The following IQSEC1 variants were observed in gnomAD, a reference collection of about 807,000 sequenced individuals.
IQSEC1 encodes IQ motif and Sec7 domain ArfGEF 1.
Under a neutral mutation model 91.0 loss-of-function variants are expected in IQSEC1, and 31 were observed. The ratio of observed to expected loss-of-function variants is 0.34; its 90% confidence interval spans 0.26 to 0.46. The LOEUF is 0.46. IQSEC1 is among the 20% of genes least tolerant of loss of function. The probability of loss-of-function intolerance (pLI) is 1.00; values close to 1 mark genes in which losing one functional copy is unlikely to be tolerated. For synonymous variants in IQSEC1, 699 were observed against 662.6 expected (o/e 1.05, Z -0.84); for missense variants, 1,388 against 1,575.6 (o/e 0.88, Z 2.02).
At chr3:13,145,790 T>A (rs1212661636) in intron 2 of IQSEC1, among the ~76,000 whole-genome samples, 1 of 35,054 alleles carries the variant, frequency 2.9e-5, no homozygotes, top group Non-Finnish European at 5.0e-5. Flanking sequence ...GGAGTGAACC[T>A]GGGCGCCCGG....
intron 1 of IQSEC1, among the ~76,000 whole-genome samples, chr3:12,965,136 T>A (rs981100752): frequency 2.6e-5 from 4 of 152,182 alleles, no homozygotes; most frequent in South Asian, 4.1e-4. Flanking sequence ...GTTCTCTTAG[T>A]GTGTGTACCC....
chr3:13,036,581 C>T (rs573600359), intron 1 of IQSEC1, among the ~76,000 whole-genome samples: 7 of 152,334 alleles, frequency 4.6e-5, no homozygotes, highest in Admixed American at 4.6e-4. Context: ...AGAGCCACTC[C>T]TCCCTGGACT....
At chr3:12,911,589 G>T in intron 10 of IQSEC1, 40 bp downstream of exon 10, 1 of 1,426,950 alleles carries the variant, frequency 7.0e-7, no homozygotes, top group Non-Finnish European at 9.9e-7. Context: ...CGTAAGCTGG[G>T]ACATGCGCTC....
chr3:12,982,758 T>G (rs964240786), intron 1 of IQSEC1, among the ~76,000 whole-genome samples: 1 of 152,212 alleles, frequency 6.6e-6, no homozygotes, highest in Non-Finnish European at 1.5e-5. Context: ...CCCCTAGTAC[T>G]GACAGGAAAG....
chr3:13,161,378 C>G (rs11709113), intron 2 of IQSEC1, among the ~76,000 whole-genome samples: 6,616 of 152,270 alleles, frequency 0.043, 192 homozygotes, highest in Non-Finnish European at 0.062. Context: ...TAGAAGCGCT[C>G]AGAGAGAACT....
At chr3:12,916,334 G>GC (rs1247100403) in intron 6 of IQSEC1, among the ~76,000 whole-genome samples, 2 of 152,198 alleles carry the variant, frequency 1.3e-5, no homozygotes, top group Non-Finnish European at 2.9e-5. Context: ...GCTGTTGCTG[G>GC]CCCACATCAC....
In IQSEC1 at chr3:12,909,169, G is replaced by T; in HGVS notation, c.2578+104C>A. ...TAGGGAAGGCCAGAAAAGACTGGGGGACATCTTGTCTCTGTGAGCTCAGAA... is the reference window on the plus strand; with the variant it reads ...TAGGGAAGGCCAGAAAAGACTGGGGTACATCTTGTCTCTGTGAGCTCAGAA... On this transcript the variant is annotated intron_variant, in intron 11 of 13. Transcript: ENST00000613206. This position sits in a 1 kb window ranked among gnomAD's most constrained non-coding sequence, Gnocchi z 4.9. 1 of 1,212,266 alleles carries T rather than the reference G, an allele frequency of 8.2e-7. No homozygotes were observed. Among genetic ancestry groups the T allele is most frequent in the Non-Finnish European group, 1.2e-6 (1 of 845,584 alleles). The allele number at this position is 1,212,266 out of a possible 1,614,324, so 75.1% of individuals were successfully genotyped here.
chr3:12,901,382 G>A lies in IQSEC1; in HGVS notation c.2946C>T (p.Pro982=), dbSNP rs1694284902. The part of the protein sequence containing the change: ...LFGSKRGKPP[P]QAHLPSAPAL... ...CTGGGGCTGAGGGCAGGTGGGCCTGGGGAGGGGGCTTCCCTCTCTTGCTCC... is the reference window on the plus strand; with the variant it reads ...CTGGGGCTGAGGGCAGGTGGGCCTGAGGAGGGGGCTTCCCTCTCTTGCTCC... The change falls in exon 14 of 14, where the codon CCC becomes CCT. Residue 982 remains proline, a synonymous_variant. Transcript: ENST00000613206. The A allele has an allele frequency of 6.5e-7, 1 of 1,542,610 alleles. No homozygotes were observed. The highest frequency in any genetic ancestry group is 2.0e-5 in the Admixed American group (1 of 50,932).
chr3:13,084,857 G>C (rs1160166005), intron 2 of IQSEC1, among the ~76,000 whole-genome samples: 1 of 152,078 alleles, frequency 6.6e-6, no homozygotes, highest in African/African-American at 2.4e-5. Context: ...GCTCAGCTCT[G>C]GTTCCTGCCC....
chr3:12,897,445 C>A lies in IQSEC1; in HGVS notation c.*3538G>T, dbSNP rs1055997782. The A allele has an allele frequency of 4.6e-5, 7 of 152,156 alleles. No homozygotes were observed. Among genetic ancestry groups the A allele is most frequent in the Admixed American group, 4.6e-4 (7 of 15,278 alleles). 9.4% of individuals were successfully genotyped at this position (152,156 alleles called of 1,614,324 possible). A position where few individuals can be genotyped will look rare whatever the true frequency, so the allele number is the denominator to read the frequency against. On this transcript the variant is annotated 3_prime_UTR_variant, in exon 14 of 14. Coordinates refer to ENST00000613206, the MANE Select transcript of IQSEC1 (RefSeq NM_001134382.3). ...CTGATTCTAATTGCTTAAAACAACT[C>A]GGAGGCAAAAGATATTTTCCAAGAG...
In IQSEC1 at chr3:12,935,847, T is replaced by C; in HGVS notation, c.1169A>G (p.Gln390Arg). 6.2e-7 allele frequency: 1 copy of C among 1,608,348 alleles called. No individual in the cohort carries two copies. Among genetic ancestry groups the C allele is most frequent in the Non-Finnish European group, 8.5e-7 (1 of 1,179,882 alleles). ...DRSERGSLKR[Q>R]SAYERSLGGQ... ...GCCAAGGCTGCGCTCGTAAGCACTC[T>C]GCCTCTTGAGTGACCCCCGCTCCGA... Residue 390 changes from glutamine to arginine, a missense_variant, in exon 3 of 14, where the codon CAG (glutamine) becomes CGG (arginine). Gln to Arg is a conservative substitution (Grantham distance 43). This residue lies in a region of IQSEC1 where 1,059 missense variants were observed against 1,317.8 expected (regional missense o/e 0.80). Transcript: ENST00000613206. The surrounding 1 kb of genome is among the most constrained non-coding windows in gnomAD (Gnocchi z 8.0).
rs1337585203 is a variant in IQSEC1, at chr3:13,101,435, G to T, written c.303-53913C>A. Among the ~76,000 whole-genome samples, 3 of 126,840 alleles carry T rather than the reference G, an allele frequency of 2.4e-5. No individual in the cohort carries two copies. In the East Asian group the frequency reaches 6.5e-4, roughly 27 times the overall value. The allele number at this position is 126,840 out of a possible 152,430, so 83.2% of individuals were successfully genotyped here. ...TTCCATCTCCAAAAAAAAAAAAAAT[G>T]CACCCTTCTACTGTTGAGAGGGCAG... On this transcript the variant is annotated intron_variant, in intron 2 of 15. Transcript: ENST00000648114.
intron 1 of IQSEC1, among the ~76,000 whole-genome samples, chr3:12,971,219 C>G (rs1700876096): frequency 1.3e-5 from 2 of 152,188 alleles, no homozygotes; most frequent in Non-Finnish European, 2.9e-5. Context: ...GGCAAACCCC[C>G]TGCGTGTTCA....
At chr3:12,912,032 G>A (rs1380374001) in intron 9 of IQSEC1, among the ~76,000 whole-genome samples, 2 of 152,250 alleles carry the variant, frequency 1.3e-5, no homozygotes, top group Non-Finnish European at 2.9e-5. Context: ...CCGGGGCTTG[G>A]CACCTTGAGG....
At chr3:12,950,210 A>G (rs1699449793) in intron 1 of IQSEC1, among the ~76,000 whole-genome samples, 1 of 152,238 alleles carries the variant, frequency 6.6e-6, no homozygotes, top group Non-Finnish European at 1.5e-5. Context: ...AGGACTGCAG[A>G]CCACAGAGCA....
chr3:13,040,672 C>T (rs1037313467), intron 1 of IQSEC1, among the ~76,000 whole-genome samples: 8 of 152,250 alleles, frequency 5.3e-5, no homozygotes, highest in African/African-American at 1.9e-4. Flanking sequence ...CCCTTCCCAG[C>T]TCCATGGCCT....
chr3:12,901,749 C>A lies in IQSEC1; in HGVS notation c.2806-227G>T, dbSNP rs567475134. ...CCTTGACCAAAGTGGGGAGTGAGGG[C>A]AGGGGAGGGGCCCATCTCTCTGACC... On this transcript the variant is annotated intron_variant, in intron 13 of 13. Transcript: ENST00000613206. Among the ~76,000 whole-genome samples, 16 of 152,146 alleles carry A rather than the reference C, an allele frequency of 1.1e-4. No homozygotes were observed. In the East Asian group the frequency reaches 3.1e-3, roughly 30 times the overall value.
intron 1 of IQSEC1, among the ~76,000 whole-genome samples, chr3:13,215,289 C>T (rs116616349): frequency 1.1e-4 from 17 of 151,572 alleles, no homozygotes; most frequent in African/African-American, 2.7e-4. Flanking sequence ...GAAATCCACA[C>T]GGCTGCCTGA....
intron 1 of IQSEC1, among the ~76,000 whole-genome samples, chr3:12,966,482 G>C (rs1700576593): frequency 6.6e-6 from 1 of 152,184 alleles, no homozygotes; most frequent in South Asian, 2.1e-4. Flanking sequence ...AGATAGCTCA[G>C]GGGGCAGCTG....
Sources: gnomAD v4.1 joint callset for allele counts (sites outside exome capture counted in the v4.1 genomes callset) on GRCh38, gnomAD v4.1.1 for gene constraint, gnomAD v4.1.1 regional missense constraint, Gnocchi (gnomAD v3.1) non-coding constraint, MANE v1.5 for transcripts, NCBI Gene and HGNC (gene_info 2026-07-23, HGNC 2026-07-21) for gene names.